CLPS: variants seen among roughly 807,000 people sequenced by gnomAD.
CLPS encodes the protein colipase.
CLPS carries 8 observed loss-of-function variants against 9.3 expected under a neutral mutation model. The ratio of observed to expected loss-of-function variants is 0.86; its 90% CI spans 0.51 to 1.56. The LOEUF (loss-of-function observed/expected upper bound fraction) is 1.56. CLPS is among the 40% of genes most tolerant of loss of function. CLPS has a pLI of 0.00. For synonymous variants in CLPS, 61 were observed against 56.2 expected, an observed-to-expected ratio of 1.09 and a Z score of -0.39; for missense variants, 144 against 145.7, an observed-to-expected ratio of 0.99 and a Z score of 0.06.
Position 35,795,740 on chromosome 6 carries a change from G to A in CLPS, c.198C>T (p.Cys66=). The change falls in exon 2 of 3, where the codon TGC becomes TGT. Residue 66 remains cysteine (C), a synonymous_variant. Transcript: ENST00000259938. ...CTSMASENSE[C]SVKTLYGIYY... ...GTCCTCAGGCACCCACCTTGACAGA[G>A]CACTCGCTGTTCTCGCTGGCCATGG... 6.2e-7 allele frequency: 1 copy of A among 1,612,150 alleles called. No homozygotes were observed. Among genetic ancestry groups the A allele is most frequent in the East Asian group, 2.2e-5 (1 of 44,844 alleles).
intron 2 of CLPS, 103 bp from the exon 3 acceptor site, chr6:35,795,380 G>T: frequency 1.3e-6 from 2 of 1,502,238 alleles, no homozygotes; most frequent in South Asian, 2.6e-5. Context: ...CTGTGTTTTC[G>T]GGGAGTGCCT....
At position 35,795,270 on chromosome 6, in the gene CLPS, T is replaced by G; in HGVS notation, c.215A>C (p.Tyr72Ser). 1 of 1,613,996 alleles carries G rather than the reference T, an allele frequency of 6.2e-7. No homozygotes were observed. Residue 72 changes from tyrosine (Y) to serine (S), a missense_variant, in exon 3 of 3, where the codon TAT (tyrosine) becomes TCT (serine). Tyr to Ser is a moderately radical substitution (Grantham distance 144, BLOSUM62 -2). Coordinates refer to ENST00000259938, the MANE Select transcript of CLPS (RefSeq NM_001832.4). ...ENSECSVKTL[Y>S]GIYYKCPCER... Reference sequence around the variant, plus strand: ...ACAGGGACACTTGTAGTAAATCCCATAGAGCGTCTGCAGAGACACAGCCAA... The same window carrying G: ...ACAGGGACACTTGTAGTAAATCCCAGAGAGCGTCTGCAGAGACACAGCCAA...
At position 35,795,725 on chromosome 6, in the gene CLPS, A is replaced by G; in HGVS notation, c.207+6T>C. 1 of 1,610,902 alleles carries G rather than the reference A, an allele frequency of 6.2e-7. No individual in the cohort carries two copies. The highest frequency in any genetic ancestry group is 8.5e-7 in the Non-Finnish European group (1 of 1,179,614). ...CCCCACCCACGCCAAGTCCTCAGGC[A>G]CCCACCTTGACAGAGCACTCGCTGT... On this transcript the variant is annotated splice_donor_region_variant and intron_variant, in intron 2 of 2. Transcript: ENST00000259938.
In CLPS at chr6:35,795,768, G is replaced by A. The variant is rs1357600229; in HGVS notation, c.170C>T (p.Thr57Ile). The change falls in exon 2 of 3, where the codon ACA becomes ATA. Residue 57 changes from threonine (T) to isoleucine (I), a missense_variant. Thr to Ile is a moderately conservative substitution (Grantham distance 89). Coordinates refer to ENST00000259938, the MANE Select transcript of CLPS (RefSeq NM_001832.4). Reference protein sequence around the residue: ...HSSALGLARCTSMASENSECS... With the variant: ...HSSALGLARCISMASENSECS... ...CTCGCTGTTCTCGCTGGCCATGGAT[G>A]TGCAGCGGGCCAGGCCCAGCGCACT... is the stretch of plus-strand genomic sequence containing the variant. 1.9e-6 allele frequency: 3 copies of A among 1,613,144 alleles called. No homozygotes were observed. The South Asian group carries it at 3.3e-5, about 18-fold the overall frequency.
At chr6:35,797,096 C>T in intron 1 of CLPS, 109 bp downstream of exon 1, 1 of 1,025,736 alleles carries the variant, frequency 9.7e-7, no homozygotes, top group Non-Finnish European at 1.5e-6. Context: ...CAAGATGCCA[C>T]TCCTCCCAGC....
Position 35,795,860 on chromosome 6 carries a change from G to A in CLPS, c.85-7C>T. On this transcript the variant is annotated splice_polypyrimidine_tract_variant and splice_region_variant and intron_variant, in intron 1 of 2. Transcript: ENST00000259938. ...TGCAGAGCTCACCGTTCTCCTGCCAGGAGCAGCCAGTCAGCCCAGGCCCCA... is the reference window on the plus strand; with the variant it reads ...TGCAGAGCTCACCGTTCTCCTGCCAAGAGCAGCCAGTCAGCCCAGGCCCCA... The A allele has an allele frequency of 1.2e-6, 2 of 1,611,938 alleles. No individual in the cohort carries two copies. The highest frequency in any genetic ancestry group is 8.5e-7 in the Non-Finnish European group (1 of 1,179,990).
Position 35,795,763 on chromosome 6 carries a change from T to C in CLPS, c.175A>G (p.Met59Val), listed in dbSNP as rs535823602. Residue 59 changes from methionine to valine, a missense_variant, in exon 2 of 3, where the codon ATG becomes GTG. Physicochemically the swap from Met to Val is conservative, Grantham distance 21 (BLOSUM62 1). Coordinates refer to ENST00000259938, the MANE Select transcript of CLPS (RefSeq NM_001832.4). ...GAGCACTCGCTGTTCTCGCTGGCCA[T>C]GGATGTGCAGCGGGCCAGGCCCAGC... The part of the protein sequence containing the change: ...SALGLARCTS[M>V]ASENSECSVK... The C allele has an allele frequency of 6.2e-6, 10 of 1,612,916 alleles. No homozygotes were observed. In the East Asian group the frequency reaches 2.0e-4, roughly 32 times the overall value.
chr6:35,797,167 G>C (rs376600832), intron 1 of CLPS, 38 bp downstream of exon 1: 23 of 1,569,482 alleles, frequency 1.5e-5, no homozygotes, highest in Non-Finnish European at 1.9e-5. Context: ...GTCTTCATCT[G>C]GGGACTCAGG....
chr6:35,795,672 A>G (rs1768341326), intron 2 of CLPS, 59 bp downstream of exon 2: 7 of 1,594,864 alleles, frequency 4.4e-6, no homozygotes, highest in Non-Finnish European at 6.0e-6. Flanking sequence ...CCCACTCACA[A>G]GTGTTCAGGG....
At position 35,795,043 on chromosome 6, in the gene CLPS, A is replaced by G; in HGVS notation, c.*103T>C. 3.4e-6 allele frequency: 5 copies of G among 1,473,618 alleles called. No homozygotes were observed. The highest frequency in any genetic ancestry group is 4.6e-6 in the Non-Finnish European group (5 of 1,089,038). The allele number at this position is 1,473,618 out of a possible 1,614,324, so 91.3% of individuals were successfully genotyped here. ...AATCAGAAAACAGATATGCTGGTCA[A>G]GGAGGTGGCCAGCCCGGGAGATGCG... is the stretch of plus-strand genomic sequence containing the variant. On this transcript the variant is annotated 3_prime_UTR_variant, in exon 3 of 3. Transcript: ENST00000259938.
chr6:35,795,056 C>A lies in CLPS; in HGVS notation c.*90G>T. On this transcript the variant is annotated 3_prime_UTR_variant, in exon 3 of 3. Transcript: ENST00000259938. ...ATATGCTGGTCAAGGAGGTGGCCAG[C>A]CCGGGAGATGCGCTGGAGCAGGGGA... The A allele has an allele frequency of 6.5e-7, 1 of 1,535,348 alleles. No individual in the cohort carries two copies. Among genetic ancestry groups the A allele is most frequent in the Non-Finnish European group, 8.8e-7 (1 of 1,136,276 alleles).
rs1187408563 is a variant in CLPS, at chr6:35,795,859, A to G, written c.85-6T>C. 1.2e-6 allele frequency: 2 copies of G among 1,611,984 alleles called. No homozygotes were observed. ...ATGCAGAGCTCACCGTTCTCCTGCC[A>G]GGAGCAGCCAGTCAGCCCAGGCCCC... On this transcript the variant is annotated splice_polypyrimidine_tract_variant and splice_region_variant and intron_variant, in intron 1 of 2. Transcript: ENST00000259938.
chr6:35,795,457 C>T (rs1031637356), intron 2 of CLPS, among the ~76,000 whole-genome samples, 180 bp from the exon 3 acceptor site: 1 of 152,222 alleles, frequency 6.6e-6, no homozygotes, highest in African/African-American at 2.4e-5. Context: ...TGCTCTGGCT[C>T]ATTTGCTCTT....
chr6:35,795,998 T>A, intron 1 of CLPS, 145 bp from the exon 2 acceptor site: 1 of 1,321,766 alleles, frequency 7.6e-7, no homozygotes. Context: ...TCTGGTGGCC[T>A]CTGTGCCCCC....
Position 35,795,180 on chromosome 6 carries a change from C to T in CLPS, c.305G>A (p.Gly102Asp). ...GGAGCGTCCAGCGTCATGGCAGATG[C>T]CAAAGTTGGTGTTGGTGATGGAGCC... ...IVGSITNTNF[G>D]ICHDAGRSKQ Residue 102 changes from glycine (G) to aspartate (D), a missense_variant, in exon 3 of 3, where the codon GGC becomes GAC. Transcript: ENST00000259938. 3 of 1,614,158 alleles carry T rather than the reference C, an allele frequency of 1.9e-6. No homozygotes were observed. Among genetic ancestry groups the T allele is most frequent in the Non-Finnish European group, 2.5e-6 (3 of 1,180,022 alleles).
intron 2 of CLPS, 21 bp from the exon 3 acceptor site, chr6:35,795,298 G>A (rs1768329617): frequency 6.2e-7 from 1 of 1,612,422 alleles, no homozygotes; most frequent in Non-Finnish European, 8.5e-7. Context: ...ACAGCCAATG[G>A]AGTCAAGGCT....
chr6:35,795,875 C>A (rs754589346), intron 1 of CLPS, 22 bp from the exon 2 acceptor site: 1 of 1,610,874 alleles, frequency 6.2e-7, no homozygotes, highest in East Asian at 2.2e-5. Flanking sequence ...AGCCAGTCAG[C>A]CCAGGCCCCA....
chr6:35,795,635 G>A, intron 2 of CLPS, 96 bp downstream of exon 2: 1 of 1,554,992 alleles, frequency 6.4e-7, no homozygotes, highest in East Asian at 2.3e-5. Context: ...TCAACATTCA[G>A]TGTCCAGGCT....
intron 1 of CLPS, among the ~76,000 whole-genome samples, chr6:35,796,116 T>C (rs568724195): frequency 9.4e-3 from 1,426 of 152,024 alleles, no homozygotes; most frequent in Non-Finnish European, 0.014. Flanking sequence ...TGTGTGACTC[T>C]GGGCAAGTCA....
Sources: gnomAD v4.1 joint callset for allele counts (sites outside exome capture counted in the v4.1 genomes callset) on GRCh38, gnomAD v4.1.1 for gene constraint, MANE v1.5 for transcripts, NCBI Gene and HGNC (gene_info 2026-07-23, HGNC 2026-07-21) for gene names.